The following SEM1 variants were observed in gnomAD, a reference collection of about 807,000 sequenced individuals.
SEM1 encodes the protein 26S proteasome complex subunit SEM1.
A neutral mutation model predicts 12.7 loss-of-function variants in SEM1; 3 were observed. That is an observed-to-expected ratio of 0.24 (90% CI 0.11 to 0.61). SEM1 has a LOEUF of 0.61. SEM1 is among the 20% of genes least tolerant of loss of function. The pLI is 0.88. For synonymous variants in SEM1, 30 were observed against 27.8 expected (o/e 1.08, Z -0.25); for missense variants, 59 against 81.3 (o/e 0.73, Z 1.06).
intron 2 of SEM1, chr7:96,647,428 C>T (rs780906758): frequency 3.9e-5 from 6 of 152,114 alleles, no homozygotes; most frequent in Non-Finnish European, 8.8e-5. Context: ...CAAATAGTTA[C>T]GTATGGTTTC....
At chr7:96,558,161 G>C (rs1247235781) in intron 2 of SEM1, 1 of 153,442 alleles carries the variant, frequency 6.5e-6, no homozygotes, top group African/African-American at 2.4e-5. Context: ...CGTCGCTCAC[G>C]CTGGGAGCTG....
At position 96,626,347 on chromosome 7, in the gene SEM1, A is replaced by G. The variant is rs560907319; in HGVS notation, c.171-3704T>C. On this transcript the variant is annotated intron_variant, in intron 2 of 2. Coordinates refer to the SEM1 transcript ENST00000417009. ...AGTTCCATCTATGTTGTTGCAAATG[A>G]CAGAATCTCATTCTTTTTATGGCTG... 3.9e-5 allele frequency among the ~76,000 whole-genome samples: 6 copies of G among 152,314 alleles called. 1 individual carries two copies. In the South Asian group the frequency reaches 1.0e-3, roughly 26 times the overall value.
At chr7:96,524,152 A>G (rs1804371620) in intron 2 of SEM1, among the ~76,000 whole-genome samples, 1 of 152,108 alleles carries the variant, frequency 6.6e-6, no homozygotes. Context: ...TTTTCTGGCT[A>G]CACTTCCAAT....
At chr7:96,492,583 G>C (rs926675631) in intron 1 of SEM1, among the ~76,000 whole-genome samples, 6 of 74,906 alleles carry the variant, frequency 8.0e-5, no homozygotes, top group African/African-American at 2.9e-4. Flanking sequence ...CTAATTTTTT[G>C]TATTTTTTTT....
chr7:96,559,088 A>G (rs1805616750), intron 2 of SEM1, among the ~76,000 whole-genome samples: 1 of 152,236 alleles, frequency 6.6e-6, no homozygotes, highest in Non-Finnish European at 1.5e-5. Context: ...CCACAGTACC[A>G]GTTACTATGC....
At chr7:96,496,755 C>A (rs911530055), upstream of SEM1, among the ~76,000 whole-genome samples, 4 of 152,122 alleles carry the variant, frequency 2.6e-5, no homozygotes, top group African/African-American at 9.7e-5. Context: ...TTTTGTAGAG[C>A]TATCTCACAC....
At chr7:96,629,491 A>G (rs1197990181) in intron 2 of SEM1, among the ~76,000 whole-genome samples, 1 of 151,834 alleles carries the variant, frequency 6.6e-6, no homozygotes, top group African/African-American at 2.4e-5. Flanking sequence ...CATTTTAGTT[A>G]TTTCAATCTC....
chr7:96,696,898 TA>T (rs2115913635), intron 1 of SEM1: 1 of 152,156 alleles, frequency 6.6e-6, no homozygotes, highest in Admixed American at 6.5e-5. Flanking sequence ...TTTTCAACTC[TA>T]ACACTACACT....
At chr7:96,587,750 G>T (rs1251137508) in intron 2 of SEM1, among the ~76,000 whole-genome samples, 1 of 151,870 alleles carries the variant, frequency 6.6e-6, no homozygotes, top group Non-Finnish European at 1.5e-5. Flanking sequence ...GAGTAGGATA[G>T]TTTATGGTAA....
chr7:96,506,399 CT>C (rs1803755174), intron 3 of SEM1, among the ~76,000 whole-genome samples: 2 of 152,020 alleles, frequency 1.3e-5, no homozygotes, highest in Non-Finnish European at 2.9e-5. Flanking sequence ...ACACACCTAT[CT>C]TTTCTGTGAT....
intron 2 of SEM1, among the ~76,000 whole-genome samples, chr7:96,566,956 G>C (rs1216026831): frequency 6.6e-6 from 1 of 151,522 alleles, no homozygotes; most frequent in Non-Finnish European, 1.5e-5. Flanking sequence ...GAGGATTTTG[G>C]TATACATCTC....
At chr7:96,694,175 C>T (rs774484285) in intron 2 of SEM1, among the ~76,000 whole-genome samples, 4 of 151,828 alleles carry the variant, frequency 2.6e-5, no homozygotes, top group Admixed American at 1.3e-4. Context: ...AGATCAGCAG[C>T]GGCCAGGGAT....
At chr7:96,517,559 T>C (rs1031626126) in intron 2 of SEM1, among the ~76,000 whole-genome samples, 8 of 152,146 alleles carry the variant, frequency 5.3e-5, no homozygotes, top group African/African-American at 1.2e-4. Context: ...CTATAATCAC[T>C]AGCGAGATGG....
intron 2 of SEM1, among the ~76,000 whole-genome samples, chr7:96,585,740 T>G (rs1192051848): frequency 1.4e-5 from 1 of 72,408 alleles, no homozygotes; most frequent in Non-Finnish European, 3.1e-5. Context: ...CCAGGTGCTG[T>G]CTGTCACCCC....
At chr7:96,569,273 T>G (rs1357907850) in intron 2 of SEM1, among the ~76,000 whole-genome samples, 1 of 152,038 alleles carries the variant, frequency 6.6e-6, no homozygotes. Flanking sequence ...TGTTTCTTCT[T>G]GGTAAACAGA....
chr7:96,583,934 T>A (rs1806510907), intron 2 of SEM1, among the ~76,000 whole-genome samples: 1 of 151,718 alleles, frequency 6.6e-6, no homozygotes, highest in Admixed American at 6.6e-5. Context: ...AGTTTGCCAG[T>A]CTGTGTCTTT....
intron 2 of SEM1, among the ~76,000 whole-genome samples, chr7:96,609,000 C>G (rs1312537868): frequency 2.6e-5 from 4 of 152,116 alleles, no homozygotes; most frequent in African/African-American, 9.7e-5. Context: ...TCGTATTTAA[C>G]TTTTTGGGTA....
At chr7:96,519,859 G>A (rs1804215321) in intron 2 of SEM1, among the ~76,000 whole-genome samples, 1 of 152,086 alleles carries the variant, frequency 6.6e-6, no homozygotes, top group Non-Finnish European at 1.5e-5. Flanking sequence ...AAAAGAGCAA[G>A]CTTATTTGGT....
At chr7:96,702,611 C>A (rs1409631256) in intron 1 of SEM1, among the ~76,000 whole-genome samples, 1 of 152,156 alleles carries the variant, frequency 6.6e-6, no homozygotes, top group Non-Finnish European at 1.5e-5. Flanking sequence ...CACTGCTATA[C>A]ATTTTTTAAA....
Sources: allele counts gnomAD v4.1 joint callset (sites outside exome capture counted in the v4.1 genomes callset), GRCh38; gene constraint gnomAD v4.1.1; transcripts MANE v1.5; gene names NCBI Gene and HGNC (gene_info 2026-07-23, HGNC 2026-07-21).